Variants in SPATA13 observed in about 807,000 individuals in gnomAD.
The protein encoded by SPATA13 is spermatogenesis associated 13, also known as spermatogenesis-associated protein 13.
A neutral mutation model predicts 104.0 loss-of-function variants in SPATA13; 50 were observed. The observed-to-expected ratio is 0.48, with a 90% confidence interval of 0.38 to 0.61. The LOEUF (loss-of-function observed/expected upper bound fraction) is 0.61. SPATA13 is among the 20% of genes least tolerant of loss of function. SPATA13 has a pLI of 0.00. For synonymous variants in SPATA13, 606 were observed against 667.5 expected (o/e 0.91, Z 1.42); for missense variants, 1,524 against 1,690.6 (o/e 0.90, Z 1.73).
intron 4 of SPATA13, among the ~76,000 whole-genome samples, chr13:24,257,103 T>TTATGTTGATCA (rs1337738149): frequency 1.3e-5 from 2 of 152,250 alleles, no homozygotes; most frequent in African/African-American, 2.4e-5. Flanking sequence ...ACCGGTCTGT[T>TTATGTTGATCA]TATGTTGATC....
At chr13:24,006,133 C>G (rs990563165) in intron 2 of SPATA13, among the ~76,000 whole-genome samples, 22 of 152,200 alleles carry the variant, frequency 1.4e-4, no homozygotes, top group African/African-American at 5.1e-4. Context: ...CACCATAATT[C>G]TATTATTAGG....
intron 1 of SPATA13, among the ~76,000 whole-genome samples, chr13:24,170,568 C>T (rs1882928388): frequency 6.6e-6 from 1 of 152,134 alleles, no homozygotes; most frequent in Non-Finnish European, 1.5e-5. Flanking sequence ...AGCGCCATCC[C>T]CTCTGCAGAG....
Position 24,288,919 on chromosome 13 carries a change from C to T in SPATA13, c.2668-80C>T, listed in dbSNP as rs1219633736. On this transcript the variant is annotated intron_variant, in intron 7 of 12. Coordinates refer to ENST00000382108, the MANE Select transcript of SPATA13 (RefSeq NM_001166271.3). ...ATTAAAATTCATTCCAAGTTCATGG[C>T]TTTAGGCCTACAAAAGCTGTACTAT... 3.9e-6 allele frequency: 5 copies of T among 1,272,680 alleles called. No individual in the cohort carries two copies. In the African/African-American group the frequency reaches 6.1e-5, roughly 15 times the overall value. The allele number at this position is 1,272,680 out of a possible 1,614,324, so 78.8% of individuals were successfully genotyped here. A position where few individuals can be genotyped will look rare whatever the true frequency, so the allele number is the denominator to read the frequency against.
intron 2 of SPATA13, among the ~76,000 whole-genome samples, chr13:24,009,876 T>G (rs1332267918): frequency 6.6e-6 from 1 of 152,186 alleles, no homozygotes; most frequent in African/African-American, 2.4e-5. Flanking sequence ...CTGGCCTAAA[T>G]AACTTTTTCA....
intron 1 of SPATA13, among the ~76,000 whole-genome samples, chr13:24,185,818 CAGAG>C (rs71070657): frequency 1.3e-5 from 2 of 149,192 alleles, no homozygotes; most frequent in South Asian, 2.1e-4. Context: ...CATCAAGAGA[CAGAG>C]AGAGAGAGAG....
chr13:24,218,739 C>T (rs1458354646), intron 1 of SPATA13, among the ~76,000 whole-genome samples: 2 of 148,684 alleles, frequency 1.3e-5, no homozygotes, highest in Admixed American at 6.7e-5. Context: ...TTTTTAATCT[C>T]ATCAGCAGTT....
chr13:24,044,895 G>GGGTAGT (rs1878076011), intron 3 of SPATA13, among the ~76,000 whole-genome samples: 2 of 125,598 alleles, frequency 1.6e-5, no homozygotes, highest in Admixed American at 8.6e-5. Flanking sequence ...GAGGGGGTGG[G>GGGTAGT]GGTGGGGGTA....
intron 3 of SPATA13, among the ~76,000 whole-genome samples, chr13:24,095,678 T>C (rs967657247): frequency 1.3e-5 from 2 of 152,200 alleles, no homozygotes; most frequent in Non-Finnish European, 2.9e-5. Context: ...ACTTCTCTTC[T>C]ATGTGGATGC....
chr13:24,146,267 ATC>A (rs1254056249), intron 3 of SPATA13, among the ~76,000 whole-genome samples: 1 of 152,226 alleles, frequency 6.6e-6, no homozygotes, highest in East Asian at 1.9e-4. Flanking sequence ...AGCCAATTAA[ATC>A]GGGGCACTCC....
chr13:24,024,886 C>A (rs1227028390), intron 3 of SPATA13, among the ~76,000 whole-genome samples: 2 of 150,638 alleles, frequency 1.3e-5, no homozygotes, highest in African/African-American at 4.9e-5. Flanking sequence ...TAGCGAGAAC[C>A]CCCATTTCTC....
intron 3 of SPATA13, among the ~76,000 whole-genome samples, chr13:24,139,182 T>TCTTCACAC (rs1311936920): frequency 1.3e-5 from 2 of 152,160 alleles, no homozygotes; most frequent in Non-Finnish European, 2.9e-5. Context: ...TCTGCCTCTG[T>TCTTCACAC]CTTCACACAG....
At chr13:24,252,598 A>G (rs900201484) in intron 4 of SPATA13, among the ~76,000 whole-genome samples, 6 of 152,198 alleles carry the variant, frequency 3.9e-5, no homozygotes, top group African/African-American at 1.4e-4. Context: ...GGTGGTAGGA[A>G]TGTAGAGCAC....
intron 3 of SPATA13, among the ~76,000 whole-genome samples, chr13:24,020,869 C>T (rs1042287655): frequency 5.3e-5 from 8 of 152,064 alleles, no homozygotes; most frequent in South Asian, 2.1e-4. Flanking sequence ...TGGTGAAAAC[C>T]GGTCTCTACT....
intron 3 of SPATA13, among the ~76,000 whole-genome samples, chr13:24,094,673 T>A (rs1880014399): frequency 6.6e-6 from 1 of 152,198 alleles, no homozygotes; most frequent in Non-Finnish European, 1.5e-5. Flanking sequence ...GCAGGAAGAT[T>A]GCCTGAGCCC....
intron 3 of SPATA13, among the ~76,000 whole-genome samples, chr13:24,119,596 C>G (rs1880967180): frequency 6.6e-6 from 1 of 152,190 alleles, no homozygotes; most frequent in Non-Finnish European, 1.5e-5. Context: ...CCACAGCTCT[C>G]TAAAGGGTCC....
chr13:24,073,022 C>T (rs1879221086), intron 3 of SPATA13, among the ~76,000 whole-genome samples: 1 of 152,042 alleles, frequency 6.6e-6, no homozygotes, highest in Non-Finnish European at 1.5e-5. Context: ...GATCTTGTCT[C>T]TATGAATTTA....
At chr13:24,069,808 GTACATAATC>G (rs1332563372) in intron 3 of SPATA13, among the ~76,000 whole-genome samples, 23 of 152,240 alleles carry the variant, frequency 1.5e-4, no homozygotes, top group Admixed American at 1.5e-3. Context: ...TCTATCATTT[GTACATAATC>G]TAAGACCAAA....
chr13:24,249,602 C>T lies in SPATA13; in HGVS notation c.1779C>T (p.Tyr593=), dbSNP rs186965576. Residue 593 remains tyrosine, a synonymous_variant, in exon 3 of 13, where the codon TAC becomes TAT. Coordinates refer to ENST00000382108, the MANE Select transcript of SPATA13 (RefSeq NM_001166271.3). ...RRPRPRPFSD[Y]GQLASRSLSI... is the part of the protein sequence containing the mutation. ...CAAGGCCTCGGCCATTCTCTGACTACGGCCAGCTGGCCAGCCGCAGTTTGT... is the reference window on the plus strand; with the variant it reads ...CAAGGCCTCGGCCATTCTCTGACTATGGCCAGCTGGCCAGCCGCAGTTTGT... 1.4e-4 allele frequency: 225 copies of T among 1,614,000 alleles called. No homozygotes were observed. Among genetic ancestry groups the T allele is most frequent in the African/African-American group, 1.7e-4 (13 of 75,058 alleles).
upstream of SPATA13, among the ~76,000 whole-genome samples, chr13:24,158,430 C>T (rs1177521345): frequency 2.0e-5 from 3 of 152,168 alleles, no homozygotes; most frequent in African/African-American, 4.8e-5. Flanking sequence ...AGCTATTGCT[C>T]GTCCTAATCT....
Sources: allele counts gnomAD v4.1 joint callset (sites outside exome capture counted in the v4.1 genomes callset), GRCh38; gene constraint gnomAD v4.1.1; transcripts MANE v1.5; gene names NCBI Gene and HGNC (gene_info 2026-07-23, HGNC 2026-07-21).